The following AOAH variants were observed in gnomAD, a reference collection of about 807,000 sequenced individuals.
The protein encoded by AOAH is acyloxyacyl hydrolase (neutrophil).
In AOAH, 64 loss-of-function variants were observed where a neutral mutation model predicts 92.2. The observed-to-expected ratio is 0.69, with a 90% confidence interval of 0.57 to 0.86. AOAH has a LOEUF of 0.86. Among genes scored for constraint, AOAH ranks in the 40% least tolerant of loss-of-function variants. The probability of loss-of-function intolerance (pLI) is 0.00; values close to 1 mark genes in which losing one functional copy is unlikely to be tolerated. For missense variants in AOAH, 656 were observed against 694.6 expected (o/e 0.94, Z 0.62); for synonymous variants, 263 against 254.5 (o/e 1.03, Z -0.32).
intron 1 of AOAH, among the ~76,000 whole-genome samples, chr7:36,699,743 G>A (rs761921255): frequency 6.6e-6 from 1 of 151,546 alleles, no homozygotes; most frequent in Non-Finnish European, 1.5e-5. Flanking sequence ...CATTCTGTGG[G>A]TTATGGCCTC....
At chr7:36,693,255 T>C (rs1315578331) in intron 1 of AOAH, among the ~76,000 whole-genome samples, 6 of 152,226 alleles carry the variant, frequency 3.9e-5, no homozygotes, top group Admixed American at 3.9e-4. Flanking sequence ...AAATTATTAA[T>C]GGATATCTAT....
At chr7:36,573,579 G>A (rs554550419) in intron 13 of AOAH, among the ~76,000 whole-genome samples, 13 of 152,246 alleles carry the variant, frequency 8.5e-5, no homozygotes, top group African/African-American at 2.9e-4. Context: ...ATAGCTGAGC[G>A]TGGTGGCATG....
chr7:36,715,892 T>C (rs1417484128), intron 1 of AOAH, among the ~76,000 whole-genome samples: 1 of 152,128 alleles, frequency 6.6e-6, no homozygotes, highest in East Asian at 1.9e-4. Flanking sequence ...ACCTAGGCAA[T>C]ACCATTCAGG....
rs1450634188 is a variant in AOAH, at chr7:36,724,260, CTCTT to C, written c.-116_-113del. ...TCTCTCTCTCCTTCTCTTCCTCACT[CTCTT>C]TGACACACACACCCCACCCTCTCAC... On this transcript the variant is annotated 5_prime_UTR_variant, in exon 1 of 21. The change abolishes the stop of an existing upstream ORF in the 5' untranslated region. Coordinates refer to ENST00000617537, the MANE Select transcript of AOAH (RefSeq NM_001637.4). 16 of 1,255,124 alleles carry C rather than the reference CTCTT, an allele frequency of 1.3e-5. No homozygotes were observed. Among genetic ancestry groups the C allele is most frequent in the Non-Finnish European group, 1.8e-5 (16 of 884,052 alleles). The allele number at this position is 1,255,124 out of a possible 1,614,324, so 77.7% of individuals were successfully genotyped here. A position where few individuals can be genotyped will look rare whatever the true frequency, so the allele number is the denominator to read the frequency against.
intron 11 of AOAH, 28 bp downstream of exon 11, chr7:36,616,352 T>C (rs1346355931): frequency 3.2e-6 from 5 of 1,580,052 alleles, no homozygotes; most frequent in Non-Finnish European, 4.3e-6. Flanking sequence ...CCAGCACATC[T>C]GGAATGATTA....
intron 13 of AOAH, among the ~76,000 whole-genome samples, chr7:36,556,195 G>A (rs537798605): frequency 0.012 from 1,854 of 152,080 alleles, 26 homozygotes; most frequent in African/African-American, 0.042. Flanking sequence ...CTTTGTTCTC[G>A]TTGGTTTCAA....
intron 20 of AOAH, among the ~76,000 whole-genome samples, chr7:36,517,774 T>C (rs545119612): frequency 6.6e-6 from 1 of 152,004 alleles, no homozygotes; most frequent in South Asian, 2.1e-4. Context: ...CTAATTTTTG[T>C]ATTTTTAGTA....
chr7:36,695,118 CA>C (rs2116848319), intron 1 of AOAH, among the ~76,000 whole-genome samples: 1 of 152,068 alleles, frequency 6.6e-6, no homozygotes, highest in East Asian at 1.9e-4. Flanking sequence ...AGAAATATAA[CA>C]AAAGAATAGA....
At chr7:36,621,867 T>C (rs1792307382) in intron 7 of AOAH, 87 bp from the exon 8 acceptor site, 6 of 1,121,074 alleles carry the variant, frequency 5.4e-6, no homozygotes, top group African/African-American at 4.6e-5. Context: ...CTGAATGGCA[T>C]TGACATCCAC....
At chr7:36,580,984 C>A (rs1219774906) in intron 12 of AOAH, among the ~76,000 whole-genome samples, 1 of 152,170 alleles carries the variant, frequency 6.6e-6, no homozygotes, top group African/African-American at 2.4e-5. Context: ...TGGTGTCTTC[C>A]AGTCCAGAGG....
At chr7:36,652,514 CT>C (rs1705954611) in intron 4 of AOAH, among the ~76,000 whole-genome samples, 1 of 152,144 alleles carries the variant, frequency 6.6e-6, no homozygotes, top group Non-Finnish European at 1.5e-5. Flanking sequence ...TAAAGACTCA[CT>C]TCTAAAGAAC....
Position 36,576,671 on chromosome 7 carries a change from T to C in AOAH, c.939-15A>G. On this transcript the variant is annotated splice_polypyrimidine_tract_variant and intron_variant, in intron 12 of 20. Transcript: ENST00000617537. Reference sequence around the variant, plus strand: ...TTTCTTTAATTCTGAAACAAATATATATGTATATATTTAAGGTCAGGATAC... The same window carrying C: ...TTTCTTTAATTCTGAAACAAATATACATGTATATATTTAAGGTCAGGATAC... 1.5e-6 allele frequency: 2 copies of C among 1,363,206 alleles called. No individual in the cohort carries two copies. Among genetic ancestry groups the C allele is most frequent in the East Asian group, 2.3e-5 (1 of 42,598 alleles). The allele number at this position is 1,363,206 out of a possible 1,614,324, so 84.4% of individuals were successfully genotyped here.
Position 36,637,368 on chromosome 7 carries a change from G to A in AOAH, c.450+483C>T, listed in dbSNP as rs973113675. ...CTGGGGCTCAGTGAAGTTGAGCACC[G>A]TGCTTAAGGTCACATTTTTAGAAAG... On this transcript the variant is annotated intron_variant, in intron 5 of 20. Transcript: ENST00000617537. Among the ~76,000 whole-genome samples, 9 of 152,240 alleles carry A rather than the reference G, an allele frequency of 5.9e-5. No homozygotes were observed. The South Asian group carries it at 8.3e-4, about 14-fold the overall frequency.
At chr7:36,573,705 G>A (rs1056826140) in intron 13 of AOAH, among the ~76,000 whole-genome samples, 13 of 152,030 alleles carry the variant, frequency 8.6e-5, no homozygotes, top group Non-Finnish European at 1.5e-4. Flanking sequence ...GCGACAGAGC[G>A]AGACTCTGTC....
chr7:36,677,566 G>T (rs1796334735), intron 2 of AOAH, among the ~76,000 whole-genome samples: 1 of 152,110 alleles, frequency 6.6e-6, no homozygotes, highest in African/African-American at 2.4e-5. Flanking sequence ...ATGTGATCCA[G>T]CAATATGATC....
At chr7:36,530,554 G>C (rs1234800070) in intron 18 of AOAH, 40 bp from the exon 19 acceptor site, 3 of 1,411,910 alleles carry the variant, frequency 2.1e-6, no homozygotes, top group Non-Finnish European at 3.0e-6. Flanking sequence ...ATGAAATCTA[G>C]ACTTTGGCTT....
chr7:36,724,279 C>T lies in AOAH; in HGVS notation c.-131G>A, dbSNP rs75383488. On this transcript the variant is annotated 5_prime_UTR_variant, in exon 1 of 21. Transcript: ENST00000617537. ...CTCACTCTCTTTGACACACACACCC[C>T]ACCCTCTCACATACACACTTTTCAA... The T allele has an allele frequency of 3.9e-4, 382 of 980,198 alleles. 2 individuals are homozygous for T. The East Asian group carries it at 9.1e-3, about 23-fold the overall frequency. The allele number at this position is 980,198 out of a possible 1,614,324, so 60.7% of individuals were successfully genotyped here. A position where few individuals can be genotyped will look rare whatever the true frequency, so the allele number is the denominator to read the frequency against.
intron 13 of AOAH, among the ~76,000 whole-genome samples, chr7:36,572,504 CAG>C (rs2116599226): frequency 6.8e-6 from 1 of 148,008 alleles, no homozygotes; most frequent in African/African-American, 2.5e-5. Flanking sequence ...GCCTGAGTGA[CAG>C]AGTGAGACCC....
intron 1 of AOAH, among the ~76,000 whole-genome samples, chr7:36,708,332 T>C (rs6462700): frequency 0.77 from 117,240 of 152,032 alleles, 45,359 homozygotes; most frequent in East Asian, 0.91. Flanking sequence ...TCTGTTGAGC[T>C]CATCTATTAC....
Sources: gnomAD v4.1 joint callset for allele counts (sites outside exome capture counted in the v4.1 genomes callset) on GRCh38, gnomAD v4.1.1 for gene constraint, MANE v1.5 for transcripts, NCBI Gene and HGNC (gene_info 2026-07-23, HGNC 2026-07-21) for gene names.